The following SLC35F3 variants were observed in gnomAD, a reference collection of about 807,000 sequenced individuals.
SLC35F3 encodes solute carrier family 35 member F3.
A neutral mutation model predicts 49.9 loss-of-function variants in SLC35F3; 25 were observed. The observed-to-expected ratio is 0.50, with a 90% confidence interval of 0.37 to 0.70. The LOEUF (loss-of-function observed/expected upper bound fraction) is 0.70. SLC35F3 is among the 30% of genes least tolerant of loss of function. The pLI is 0.00. For missense variants in SLC35F3, 525 were observed against 639.8 expected (o/e 0.82, Z 1.94); for synonymous variants, 275 against 265.4 (o/e 1.04, Z -0.35).
intron 3 of SLC35F3, among the ~76,000 whole-genome samples, chr1:234,290,649 C>T (rs375944111): frequency 8.5e-5 from 13 of 152,294 alleles, no homozygotes; most frequent in South Asian, 2.1e-4. Context: ...CCCTGGAGGC[C>T]GCAGCCTCTG....
At chr1:234,249,028 A>T (rs1468813630) in intron 3 of SLC35F3, among the ~76,000 whole-genome samples, 1 of 152,182 alleles carries the variant, frequency 6.6e-6, no homozygotes, top group African/African-American at 2.4e-5. Context: ...ATCTTAGGGA[A>T]TGCACCCCAG....
At position 233,916,593 on chromosome 1, in the gene SLC35F3, G is replaced by A. The variant is rs6586379; in HGVS notation, c.283+10835G>A. Among the ~76,000 whole-genome samples, 284 of 152,152 alleles carry A rather than the reference G, an allele frequency of 1.9e-3. 2 individuals are homozygous for A. The highest frequency in any genetic ancestry group is 6.3e-3 in the African/African-American group (263 of 41,528). Reference sequence around the variant, plus strand: ...GCAGTGGGTACGATTTCAAAGTTACGTGTAAATAAAGTATATGTAATTACG... The same window carrying A: ...GCAGTGGGTACGATTTCAAAGTTACATGTAAATAAAGTATATGTAATTACG... On this transcript the variant is annotated intron_variant, in intron 2 of 7. Coordinates refer to ENST00000366618, the MANE Select transcript of SLC35F3 (RefSeq NM_173508.4).
chr1:233,905,755 A>C lies in SLC35F3; in HGVS notation c.280A>C (p.Lys94Gln), dbSNP rs775727019. ...CTACCAGCCCTGGGCAGCGAGCTGC[A>C]AAAGTAAGACCCCCTCACGTCATGT... ...YGYQPWAASC[K>Q]REERPRDSPG... Residue 94 changes from lysine to glutamine, a missense_variant, in exon 2 of 8, where the codon AAA (lysine) becomes CAA (glutamine). Transcript: ENST00000366618. The C allele has an allele frequency of 6.2e-7, 1 of 1,609,718 alleles. No individual in the cohort carries two copies. The highest frequency in any genetic ancestry group is 1.7e-5 in the Admixed American group (1 of 59,838).
At chr1:233,919,327 G>A (rs558228513) in intron 2 of SLC35F3, among the ~76,000 whole-genome samples, 2 of 152,296 alleles carry the variant, frequency 1.3e-5, no homozygotes, top group South Asian at 4.1e-4. Context: ...ATAGAACTGT[G>A]CCTAGGACAG....
intron 2 of SLC35F3, among the ~76,000 whole-genome samples, chr1:233,978,966 G>T (rs969256846): frequency 6.6e-6 from 1 of 151,694 alleles, no homozygotes; most frequent in Non-Finnish European, 1.5e-5. Context: ...AGCCTGGGAG[G>T]CAGAGGTTGC....
At chr1:234,291,068 G>A (rs897088962) in intron 3 of SLC35F3, among the ~76,000 whole-genome samples, 27 of 152,288 alleles carry the variant, frequency 1.8e-4, no homozygotes, top group African/African-American at 6.0e-4. Context: ...GATTACTGTG[G>A]TTGCTGGAGA....
At chr1:234,087,892 C>T (rs997074052) in intron 2 of SLC35F3, among the ~76,000 whole-genome samples, 3 of 152,222 alleles carry the variant, frequency 2.0e-5, no homozygotes, top group African/African-American at 7.2e-5. Flanking sequence ...CTGCACTGCA[C>T]CTGCCTCAGA....
intron 7 of SLC35F3, among the ~76,000 whole-genome samples, chr1:234,321,829 A>T (rs1657626822): frequency 6.6e-6 from 1 of 151,950 alleles, no homozygotes; most frequent in Admixed American, 6.6e-5. Context: ...TGCTCAAGGG[A>T]CTGGCTGGTT....
intron 3 of SLC35F3, among the ~76,000 whole-genome samples, chr1:234,252,465 C>A (rs981709875): frequency 2.0e-5 from 3 of 152,010 alleles, no homozygotes; most frequent in Non-Finnish European, 2.9e-5. Context: ...AAGTAAGAAT[C>A]CAAATTAGCA....
In SLC35F3 at chr1:234,108,408, T is replaced by TAA. The variant is rs574856554; in HGVS notation, c.284-123009_284-123008insAA. Among the ~76,000 whole-genome samples, 12 of 95,950 alleles carry TAA rather than the reference T, an allele frequency of 1.3e-4. 3 individuals are homozygous for TAA. The East Asian group carries it at 0.021, about 165-fold the overall frequency. The allele number at this position is 95,950 out of a possible 152,430, so 62.9% of individuals were successfully genotyped here. On this transcript the variant is annotated intron_variant, in intron 2 of 7. Coordinates refer to ENST00000366618, the MANE Select transcript of SLC35F3 (RefSeq NM_173508.4). ...TATAAAAGATATATATTTATATATA[T>TAA]GATATATATTATTTATATATAAAAG...
At chr1:234,104,689 G>A (rs917076305) in intron 2 of SLC35F3, among the ~76,000 whole-genome samples, 2 of 152,182 alleles carry the variant, frequency 1.3e-5, no homozygotes, top group African/African-American at 2.4e-5. Context: ...AGAAAGAGTG[G>A]TGCATCTCAA....
At chr1:234,063,222 C>T (rs1664571092) in intron 2 of SLC35F3, among the ~76,000 whole-genome samples, 1 of 152,072 alleles carries the variant, frequency 6.6e-6, no homozygotes, top group Admixed American at 6.5e-5. Context: ...AGGAAGAGAG[C>T]TTTTATTTCT....
intron 2 of SLC35F3, among the ~76,000 whole-genome samples, chr1:233,962,868 T>G (rs1158943252): frequency 6.6e-6 from 1 of 152,246 alleles, no homozygotes; most frequent in East Asian, 1.9e-4. Flanking sequence ...TTGCATTTTT[T>G]GGCATGGCAG....
intron 2 of SLC35F3, among the ~76,000 whole-genome samples, chr1:234,098,943 G>A (rs1665172777): frequency 1.3e-5 from 2 of 152,090 alleles, no homozygotes; most frequent in Non-Finnish European, 1.5e-5. Flanking sequence ...TGGTGGTAGT[G>A]ATGGTGTTAT....
intron 2 of SLC35F3, among the ~76,000 whole-genome samples, chr1:234,121,867 T>A (rs1665582612): frequency 6.6e-6 from 1 of 152,222 alleles, no homozygotes; most frequent in South Asian, 2.1e-4. Flanking sequence ...TCCAGCTACA[T>A]CCACATCGCT....
intron 2 of SLC35F3, among the ~76,000 whole-genome samples, chr1:233,992,651 A>T (rs1397796309): frequency 2.6e-5 from 4 of 152,252 alleles, no homozygotes; most frequent in Non-Finnish European, 4.4e-5. Flanking sequence ...TCTCAATGCC[A>T]TCACACTGGG....
At chr1:234,284,547 T>G (rs1048544736) in intron 3 of SLC35F3, among the ~76,000 whole-genome samples, 1 of 152,210 alleles carries the variant, frequency 6.6e-6, no homozygotes, top group African/African-American at 2.4e-5. Flanking sequence ...GTGCCTGGAC[T>G]GTTGTAGTGG....
At chr1:234,150,474 A>G (rs1666059910) in intron 2 of SLC35F3, among the ~76,000 whole-genome samples, 1 of 152,184 alleles carries the variant, frequency 6.6e-6, no homozygotes, top group African/African-American at 2.4e-5. Context: ...TGTGCTAAGT[A>G]TATTTAAGTA....
At chr1:233,970,999 T>C (rs1252913680) in intron 2 of SLC35F3, among the ~76,000 whole-genome samples, 2 of 152,252 alleles carry the variant, frequency 1.3e-5, no homozygotes, top group African/African-American at 4.8e-5. Flanking sequence ...GTTTTGTTTT[T>C]ATCTTTCTGT....
Sources: gnomAD v4.1 joint callset for allele counts (sites outside exome capture counted in the v4.1 genomes callset) on GRCh38, gnomAD v4.1.1 for gene constraint, MANE v1.5 for transcripts, NCBI Gene and HGNC (gene_info 2026-07-23, HGNC 2026-07-21) for gene names.